The following PIK3C2G variants were observed in gnomAD, a reference collection of about 807,000 sequenced individuals.
PIK3C2G encodes the protein phosphatidylinositol-4-phosphate 3-kinase catalytic subunit type 2 gamma, also known as phosphatidylinositol 3-kinase C2 domain-containing subunit gamma.
PIK3C2G carries 168 observed loss-of-function variants against 181.1 expected under a neutral mutation model. The ratio of observed to expected loss-of-function variants is 0.93; its 90% CI spans 0.82 to 1.05. PIK3C2G has a LOEUF of 1.05. Among genes scored for constraint, PIK3C2G ranks in the 50% least tolerant of loss-of-function variants. The pLI is 0.00. For synonymous variants in PIK3C2G, 573 were observed against 592.2 expected, an observed-to-expected ratio of 0.97 and a Z score of 0.47; for missense variants, 1,869 against 1,732.8, an observed-to-expected ratio of 1.08 and a Z score of -1.40.
intron 16 of PIK3C2G, among the ~76,000 whole-genome samples, chr12:18,410,522 A>AT (rs998454989): frequency 5.3e-5 from 8 of 151,334 alleles, no homozygotes. Context: ...AAAAAAAAAA[A>AT]AAAAAAGATT....
chr12:18,680,357 C>T, the PIK3C2G span, among the ~76,000 whole-genome samples: 1 of 151,992 alleles, frequency 6.6e-6, no homozygotes, highest in African/African-American at 2.4e-5. Flanking sequence ...TGTTTTACAT[C>T]CCTCAAGACA....
At chr12:18,700,054 T>G in the PIK3C2G span, 1 of 974,184 alleles carries the variant, frequency 1.0e-6, no homozygotes, top group Non-Finnish European at 1.6e-6. Flanking sequence ...TTTTCATCTT[T>G]TCATAAGATT....
intron 25 of PIK3C2G, among the ~76,000 whole-genome samples, chr12:18,544,688 A>C (rs895171202): frequency 6.6e-6 from 1 of 151,850 alleles, no homozygotes; most frequent in African/African-American, 2.4e-5. Context: ...AGTTTATGTG[A>C]GAAGAGAATT....
intron 24 of PIK3C2G, among the ~76,000 whole-genome samples, chr12:18,530,049 CAT>C (rs1421540418): frequency 6.6e-6 from 1 of 152,146 alleles, no homozygotes. Context: ...AGCAATGGCA[CAT>C]GTCTGTGGCC....
At chr12:18,310,794 A>G (rs1451138527) in intron 5 of PIK3C2G, among the ~76,000 whole-genome samples, 1 of 151,972 alleles carries the variant, frequency 6.6e-6, no homozygotes, top group Non-Finnish European at 1.5e-5. Flanking sequence ...GTTAATATAA[A>G]CCAAAAATAA....
At chr12:18,491,353 T>A in intron 19 of PIK3C2G, 98 bp from the exon 20 acceptor site, 1 of 669,436 alleles carries the variant, frequency 1.5e-6, no homozygotes, top group Non-Finnish European at 2.6e-6. Context: ...AACCCTGAAT[T>A]CAAGAATTCA....
intron 26 of PIK3C2G, among the ~76,000 whole-genome samples, chr12:18,546,704 C>A (rs1944449685): frequency 6.6e-6 from 1 of 151,960 alleles, no homozygotes; most frequent in Non-Finnish European, 1.5e-5. Context: ...AGAGCAAGAG[C>A]TGACATAAAT....
At chr12:18,309,262 C>T (rs1333564020) in intron 5 of PIK3C2G, among the ~76,000 whole-genome samples, 2 of 151,716 alleles carry the variant, frequency 1.3e-5, no homozygotes, top group African/African-American at 4.8e-5. Context: ...ACAAATATGT[C>T]CATTGGATTC....
intron 1 of PIK3C2G, among the ~76,000 whole-genome samples, chr12:18,252,326 T>C (rs17473539): frequency 0.06 from 9,066 of 152,128 alleles, 408 homozygotes; most frequent in Non-Finnish European, 0.093. Context: ...GTCAGACAAA[T>C]TACTCTTCAC....
chr12:18,591,496 A>G (rs1188577734), intron 29 of PIK3C2G, among the ~76,000 whole-genome samples: 1 of 151,882 alleles, frequency 6.6e-6, no homozygotes, highest in Admixed American at 6.6e-5. Context: ...AAATGGGTGG[A>G]TAGGGGCAGA....
At chr12:18,490,393 T>A (rs928282304) in intron 19 of PIK3C2G, among the ~76,000 whole-genome samples, 5 of 152,340 alleles carry the variant, frequency 3.3e-5, no homozygotes, top group African/African-American at 1.2e-4. Context: ...AGTTTCTTTT[T>A]TAATTTTCAA....
intron 24 of PIK3C2G, among the ~76,000 whole-genome samples, chr12:18,527,628 A>G (rs10505822): frequency 0.091 from 13,886 of 152,016 alleles, 834 homozygotes; most frequent in Non-Finnish European, 0.14. Context: ...CATGCGAAAC[A>G]TAGCTGTGCT....
At chr12:18,432,195 T>A (rs1216361758) in intron 18 of PIK3C2G, among the ~76,000 whole-genome samples, 3 of 152,174 alleles carry the variant, frequency 2.0e-5, no homozygotes, top group Non-Finnish European at 4.4e-5. Flanking sequence ...GAAAATAGAA[T>A]CTTATACAAA....
the PIK3C2G span, chr12:18,699,709 A>G: frequency 7.4e-7 from 1 of 1,346,134 alleles, no homozygotes; most frequent in Non-Finnish European, 1.1e-6. Context: ...TATACATTTT[A>G]TAAATATCAT....
intron 18 of PIK3C2G, among the ~76,000 whole-genome samples, chr12:18,441,379 C>T (rs1946737801): frequency 6.6e-6 from 1 of 152,070 alleles, no homozygotes; most frequent in Non-Finnish European, 1.5e-5. Flanking sequence ...GGGACATGGT[C>T]TATGAAAAGA....
intron 2 of PIK3C2G, among the ~76,000 whole-genome samples, chr12:18,286,092 C>A (rs563074303): frequency 6.6e-6 from 1 of 151,806 alleles, no homozygotes; most frequent in East Asian, 1.9e-4. Context: ...GGGATCATTT[C>A]GTAATGCTAA....
intron 29 of PIK3C2G, among the ~76,000 whole-genome samples, chr12:18,574,906 A>C: frequency 6.6e-6 from 1 of 152,326 alleles, no homozygotes; most frequent in Non-Finnish European, 1.5e-5. Flanking sequence ...AGATTGAATC[A>C]GTACATATAA....
At chr12:18,537,653 T>C (rs780472503) in intron 24 of PIK3C2G, among the ~76,000 whole-genome samples, 10 of 152,038 alleles carry the variant, frequency 6.6e-5, no homozygotes, top group Non-Finnish European at 1.2e-4. Context: ...ACCTTTTTTC[T>C]CCTTCACTAA....
intron 11 of PIK3C2G, among the ~76,000 whole-genome samples, chr12:18,360,357 A>C (rs1168334187): frequency 6.6e-6 from 1 of 152,046 alleles, no homozygotes; most frequent in Non-Finnish European, 1.5e-5. Flanking sequence ...TGTTGTAGCT[A>C]TTTTTGTACT....
Sources: gnomAD v4.1 joint callset for allele counts (sites outside exome capture counted in the v4.1 genomes callset) on GRCh38, gnomAD v4.1.1 for gene constraint, MANE v1.5 for transcripts, NCBI Gene and HGNC (gene_info 2026-07-23, HGNC 2026-07-21) for gene names.